The following GABRB1 variants were observed in gnomAD, a reference collection of about 807,000 sequenced individuals.
The protein encoded by GABRB1 is gamma-aminobutyric acid receptor subunit beta-1.
Under a neutral mutation model 51.6 loss-of-function variants are expected in GABRB1, and 17 were observed. The ratio of observed to expected loss-of-function variants is 0.33; its 90% confidence interval spans 0.23 to 0.49. The LOEUF is 0.49. Ranked by LOEUF, GABRB1 falls within the 20% of genes least tolerant of loss-of-function variation. GABRB1 has a pLI of 0.99. For missense variants in GABRB1, 410 were observed against 600.6 expected, an observed-to-expected ratio of 0.68 and a Z score of 3.32; for synonymous variants, 247 against 218.9, an observed-to-expected ratio of 1.13 and a Z score of -1.14.
chr4:47,184,565 G>C (rs1205006168), intron 4 of GABRB1, among the ~76,000 whole-genome samples: 1 of 151,872 alleles, frequency 6.6e-6, no homozygotes, highest in Admixed American at 6.6e-5. Context: ...GCCCTGCTCA[G>C]CTCAGTCCTT....
intron 3 of GABRB1, among the ~76,000 whole-genome samples, chr4:47,038,752 T>C (rs1231593758): frequency 6.6e-6 from 1 of 152,206 alleles, no homozygotes; most frequent in Non-Finnish European, 1.5e-5. Flanking sequence ...AATGAAATCT[T>C]GCATTATCAA....
chr4:47,405,101 A>G lies in GABRB1; in HGVS notation c.835+1390A>G, dbSNP rs866541192. Among the ~76,000 whole-genome samples, 39 of 152,354 alleles carry G rather than the reference A, an allele frequency of 2.6e-4. 1 individual carries two copies. Among genetic ancestry groups the G allele is most frequent in the African/African-American group, 8.2e-4 (34 of 41,592 alleles). On this transcript the variant is annotated intron_variant, in intron 7 of 8. Coordinates refer to ENST00000295454, the MANE Select transcript of GABRB1 (RefSeq NM_000812.4). ...CAATTGGTGAATTTATAAGTGACTC[A>G]TTCATTTCTGTGAAGCACATTAGCT...
intron 4 of GABRB1, among the ~76,000 whole-genome samples, chr4:47,240,056 C>G (rs1350559491): frequency 6.6e-6 from 1 of 152,142 alleles, no homozygotes; most frequent in Non-Finnish European, 1.5e-5. Context: ...GTGGGGAGAT[C>G]AAGAGGCAAT....
chr4:47,106,328 A>T (rs1163697350), intron 3 of GABRB1, among the ~76,000 whole-genome samples: 1 of 152,048 alleles, frequency 6.6e-6, no homozygotes, highest in Non-Finnish European at 1.5e-5. Context: ...TAATTCTAGA[A>T]GCAGGGTAGG....
intron 5 of GABRB1, among the ~76,000 whole-genome samples, chr4:47,386,688 T>C (rs1202556906): frequency 6.6e-6 from 1 of 152,174 alleles, no homozygotes; most frequent in Admixed American, 6.5e-5. Context: ...ACATGGCTAT[T>C]TGTGTTTATA....
At position 47,329,503 on chromosome 4, in the gene GABRB1, T is replaced by A. The variant is rs907030059; in HGVS notation, c.544+9294T>A. On this transcript the variant is annotated intron_variant, in intron 5 of 8. Transcript: ENST00000295454. ...ATATATAAAGAATATAGAGAATATA[T>A]ATTTACATATTTTTAGAAATGTATA... Among the ~76,000 whole-genome samples the A allele has an allele frequency of 2.0e-5, 3 of 148,720 alleles. No homozygotes were observed. In the South Asian group the frequency reaches 6.3e-4, roughly 31 times the overall value.
intron 4 of GABRB1, among the ~76,000 whole-genome samples, chr4:47,234,111 G>A (rs114768120): frequency 0.018 from 2,786 of 152,210 alleles, 79 homozygotes; most frequent in African/African-American, 0.063. Context: ...CCATGAAGTT[G>A]TTTATAAGAA....
At chr4:46,997,720 GTA>G (rs1358541915) in intron 1 of GABRB1, among the ~76,000 whole-genome samples, 1 of 149,938 alleles carries the variant, frequency 6.7e-6, no homozygotes, top group African/African-American at 2.4e-5. Flanking sequence ...AGATGTGTGT[GTA>G]TATATATGTA....
At chr4:47,315,752 C>T (rs1724861042) in intron 4 of GABRB1, among the ~76,000 whole-genome samples, 1 of 151,898 alleles carries the variant, frequency 6.6e-6, no homozygotes, top group Non-Finnish European at 1.5e-5. Context: ...GAGGTGGCAG[C>T]CGTTAGCCTA....
At chr4:47,291,751 A>C (rs4411959) in intron 4 of GABRB1, among the ~76,000 whole-genome samples, 150,479 of 152,314 alleles carry the variant, frequency 0.99, 74,341 homozygotes, top group East Asian at 1. Context: ...TCAGACTTGC[A>C]TGGACCCTGT....
intron 1 of GABRB1, among the ~76,000 whole-genome samples, chr4:47,003,892 A>G (rs897137356): frequency 1.3e-5 from 2 of 152,250 alleles, no homozygotes; most frequent in African/African-American, 4.8e-5. Context: ...CCTATTGATC[A>G]ATGTCAGCCC....
chr4:47,083,581 C>T (rs1447586651), intron 3 of GABRB1, among the ~76,000 whole-genome samples: 2 of 152,080 alleles, frequency 1.3e-5, no homozygotes, highest in African/African-American at 4.8e-5. Context: ...CTTAGGGAAA[C>T]TGATCAGTAA....
intron 4 of GABRB1, among the ~76,000 whole-genome samples, chr4:47,188,526 T>C (rs937947905): frequency 6.6e-6 from 1 of 152,116 alleles, no homozygotes; most frequent in African/African-American, 2.4e-5. Context: ...CCTCTGGAAA[T>C]TCTTATATAT....
intron 3 of GABRB1, among the ~76,000 whole-genome samples, chr4:47,091,150 G>A (rs1728275522): frequency 6.6e-6 from 1 of 151,888 alleles, no homozygotes; most frequent in Admixed American, 6.6e-5. Flanking sequence ...ATGAGTAGAG[G>A]CAAGGATACT....
chr4:47,115,666 A>G (rs1715446321), intron 3 of GABRB1, among the ~76,000 whole-genome samples: 2 of 152,118 alleles, frequency 1.3e-5, no homozygotes, highest in Admixed American at 1.3e-4. Context: ...ATTGAAAAAA[A>G]GTGCATATTT....
At chr4:47,267,497 G>GA (rs931494262) in intron 4 of GABRB1, among the ~76,000 whole-genome samples, 55 of 146,658 alleles carry the variant, frequency 3.8e-4, no homozygotes, top group South Asian at 6.4e-4. Context: ...TAGAGAATAA[G>GA]AAAAAAAAAA....
At chr4:47,025,410 T>G (rs890886861) in intron 1 of GABRB1, among the ~76,000 whole-genome samples, 1 of 151,944 alleles carries the variant, frequency 6.6e-6, no homozygotes, top group African/African-American at 2.4e-5. Flanking sequence ...TATCTATTAT[T>G]TTTTGATTAT....
chr4:47,412,502 A>G (rs1218440020), intron 8 of GABRB1, among the ~76,000 whole-genome samples: 2 of 152,206 alleles, frequency 1.3e-5, no homozygotes, highest in Non-Finnish European at 2.9e-5. Context: ...CATGCTTTAT[A>G]TCAACCTCTG....
intron 3 of GABRB1, among the ~76,000 whole-genome samples, chr4:47,033,408 C>T (rs1365808593): frequency 2.0e-5 from 3 of 152,162 alleles, no homozygotes; most frequent in Non-Finnish European, 4.4e-5. Context: ...CTAACTGTTG[C>T]TTCTCGTAAG....
Sources: allele counts gnomAD v4.1 joint callset (sites outside exome capture counted in the v4.1 genomes callset), GRCh38; gene constraint gnomAD v4.1.1; transcripts MANE v1.5; gene names NCBI Gene and HGNC (gene_info 2026-07-23, HGNC 2026-07-21).